Variants in AK7 observed in about 807,000 individuals in gnomAD.
AK7 encodes adenylate kinase 7, also known as ATP-AMP transphosphorylase 7.
AK7 carries 78 observed loss-of-function variants against 96.6 expected under a neutral mutation model. The ratio of observed to expected loss-of-function variants is 0.81; its 90% CI spans 0.67 to 0.97. AK7 has a LOEUF of 0.97. Among genes scored for constraint, AK7 ranks in the 50% least tolerant of loss-of-function variants. AK7 has a pLI of 0.00. For missense variants in AK7, 855 were observed against 887.9 expected (o/e 0.96, Z 0.47); for synonymous variants, 302 against 317.2 (o/e 0.95, Z 0.51).
intron 4 of AK7, among the ~76,000 whole-genome samples, chr14:96,419,448 T>C (rs1195136325): frequency 1.3e-5 from 2 of 151,950 alleles, no homozygotes; most frequent in East Asian, 3.9e-4. Flanking sequence ...TGGGTAACAA[T>C]TGGAGACTCT....
At chr14:96,466,338 A>G (rs1894566263) in intron 12 of AK7, among the ~76,000 whole-genome samples, 1 of 151,750 alleles carries the variant, frequency 6.6e-6, no homozygotes, top group Admixed American at 6.6e-5. Context: ...CTGGGTTCAC[A>G]CCATTCTCCT....
intron 14 of AK7, among the ~76,000 whole-genome samples, chr14:96,475,283 G>C (rs1895110705): frequency 2.0e-5 from 3 of 152,238 alleles, no homozygotes; most frequent in Admixed American, 2.0e-4. Context: ...GTGACATAGA[G>C]AGGTCAATGC....
In AK7 at chr14:96,464,000, C is replaced by A. The variant is rs1321545078; in HGVS notation, c.1357+5788C>A. 2.0e-5 allele frequency among the ~76,000 whole-genome samples: 3 copies of A among 152,050 alleles called. No homozygotes were observed. In the East Asian group the frequency reaches 5.8e-4, roughly 29 times the overall value. ...AATGTTACCCCTTTCTAGGGGGTCT[C>A]ATCCCAGATCCCAGGAGCAGGTTCT... On this transcript the variant is annotated intron_variant, in intron 12 of 17. Coordinates refer to ENST00000267584, the MANE Select transcript of AK7 (RefSeq NM_152327.5).
At position 96,442,738 on chromosome 14, in the gene AK7, G is replaced by T; in HGVS notation, c.699G>T (p.Trp233Cys). 1.9e-6 allele frequency: 3 copies of T among 1,614,138 alleles called. No homozygotes were observed. Among genetic ancestry groups the T allele is most frequent in the Non-Finnish European group, 2.5e-6 (3 of 1,179,986 alleles). Reference sequence around the variant, plus strand: ...GCTTTTCTTCCTTTCAGATGGCTTGGTTGGGCGAGATTCCTGCATTACCAG... The same window carrying T: ...GCTTTTCTTCCTTTCAGATGGCTTGTTTGGGCGAGATTCCTGCATTACCAG... Reference protein sequence around the residue: ...GMLHTFFKMAWLGEIPALPVF... With the variant: ...GMLHTFFKMACLGEIPALPVF... The change falls in exon 7 of 18, where the codon TGG becomes TGT. Residue 233 changes from tryptophan to cysteine, a missense_variant. Coordinates refer to ENST00000267584, the MANE Select transcript of AK7 (RefSeq NM_152327.5).
rs113964893 is a variant in AK7 at position 96,482,561 on chromosome 14, TA to T, written c.1754-437del. On this transcript the variant is annotated intron_variant, in intron 15 of 17. Coordinates refer to ENST00000267584, the MANE Select transcript of AK7 (RefSeq NM_152327.5). ...ATTCAAGTAGACTCACTGAAATGGT[TA>T]TTTTTTTATGAATTGAAAATGTATC... Among the ~76,000 whole-genome samples, 204 of 152,346 alleles carry T rather than the reference TA, an allele frequency of 1.3e-3. 2 individuals carry two copies. The highest frequency in any genetic ancestry group is 4.7e-3 in the African/African-American group (195 of 41,578).
At chr14:96,404,707 G>A (rs1167802793) in intron 2 of AK7, 50 bp from the exon 3 acceptor site, 1 of 1,258,768 alleles carries the variant, frequency 7.9e-7, no homozygotes, top group African/African-American at 1.5e-5. Flanking sequence ...AAATATGAAG[G>A]TTACCTTGTT....
chr14:96,398,389 G>C (rs550071037), intron 2 of AK7, 126 bp downstream of exon 2: 10 of 980,600 alleles, frequency 1.0e-5, no homozygotes, highest in Admixed American at 2.4e-5. Context: ...GCCAGGTTGA[G>C]GGAATGGCTT....
intron 5 of AK7, among the ~76,000 whole-genome samples, chr14:96,427,108 G>A (rs1214119143): frequency 6.6e-6 from 1 of 152,148 alleles, no homozygotes; most frequent in Non-Finnish European, 1.5e-5. Flanking sequence ...AGCCAGGCGT[G>A]GTAGTGCATG....
chr14:96,442,639 T>C lies in AK7; in HGVS notation c.691-91T>C, dbSNP rs1246024508. The stretch of plus-strand genomic sequence containing the variant: ...ATTACTTAAGCAGATAGCTAGGCCT[T>C]TCAGTTGCCTCTGACTGTAGACTTA... On this transcript the variant is annotated intron_variant, in intron 6 of 17. Transcript: ENST00000267584. 5.1e-6 allele frequency: 5 copies of C among 980,762 alleles called. No homozygotes were observed. In the South Asian group the frequency reaches 5.1e-5, roughly 10 times the overall value. 60.8% of individuals were successfully genotyped at this position (980,762 alleles called of 1,614,324 possible). A position where few individuals can be genotyped will look rare whatever the true frequency, so the allele number is the denominator to read the frequency against.
chr14:96,436,772 C>T (rs1892659779), intron 5 of AK7, among the ~76,000 whole-genome samples: 2 of 152,106 alleles, frequency 1.3e-5, no homozygotes, highest in Admixed American at 1.3e-4. Flanking sequence ...TGAGCTTGGC[C>T]CCTCCTCCTT....
At chr14:96,401,905 C>T (rs752569382) in intron 2 of AK7, among the ~76,000 whole-genome samples, 15 of 152,170 alleles carry the variant, frequency 9.9e-5, no homozygotes, top group Non-Finnish European at 1.9e-4. Flanking sequence ...ACCTCTATGA[C>T]AGCCCTTTCC....
intron 12 of AK7, among the ~76,000 whole-genome samples, chr14:96,468,179 C>T (rs1325197918): frequency 1.4e-5 from 2 of 146,538 alleles, no homozygotes; most frequent in Admixed American, 6.9e-5. Flanking sequence ...GATCCCAACA[C>T]TGCACTCTAG....
intron 6 of AK7, among the ~76,000 whole-genome samples, chr14:96,439,396 G>T (rs760843685): frequency 1.4e-4 from 21 of 152,092 alleles, no homozygotes; most frequent in Non-Finnish European, 7.4e-5. Context: ...ATTTTTGGCC[G>T]ACTCACGCCT....
chr14:96,422,032 A>G (rs1891732374), intron 5 of AK7, among the ~76,000 whole-genome samples: 1 of 152,198 alleles, frequency 6.6e-6, no homozygotes. Flanking sequence ...AGCTGGGTCC[A>G]GGGGGGTCAC....
At chr14:96,433,802 C>T (rs1205708155) in intron 5 of AK7, among the ~76,000 whole-genome samples, 1 of 152,018 alleles carries the variant, frequency 6.6e-6, no homozygotes, top group Non-Finnish European at 1.5e-5. Context: ...TTTTCAAGCT[C>T]ATTCTTTCTT....
At chr14:96,467,480 C>T (rs1413218212) in intron 12 of AK7, among the ~76,000 whole-genome samples, 6 of 152,178 alleles carry the variant, frequency 3.9e-5, no homozygotes, top group South Asian at 2.1e-4. Context: ...GGACTACAGG[C>T]GCACGCCACC....
chr14:96,412,433 G>C (rs1891091285), intron 4 of AK7, among the ~76,000 whole-genome samples: 1 of 151,274 alleles, frequency 6.6e-6, no homozygotes, highest in Non-Finnish European at 1.5e-5. Context: ...TCACCATGTT[G>C]GTCAGGCTGG....
At chr14:96,448,833 A>G (rs1284863781) in intron 8 of AK7, among the ~76,000 whole-genome samples, 1 of 151,824 alleles carries the variant, frequency 6.6e-6, no homozygotes, top group Non-Finnish European at 1.5e-5. Flanking sequence ...ATGCACGCCT[A>G]TAATGCCAGC....
chr14:96,444,745 T>G (rs2140097869), intron 7 of AK7, among the ~76,000 whole-genome samples: 1 of 151,172 alleles, frequency 6.6e-6, no homozygotes, highest in African/African-American at 2.4e-5. Flanking sequence ...TGAGATGGAG[T>G]CTCGCTCTGT....
Sources: gnomAD v4.1 joint callset for allele counts (sites outside exome capture counted in the v4.1 genomes callset) on GRCh38, gnomAD v4.1.1 for gene constraint, MANE v1.5 for transcripts, NCBI Gene and HGNC (gene_info 2026-07-23, HGNC 2026-07-21) for gene names.